The following HMX1 variants were observed in gnomAD, a reference collection of about 807,000 sequenced individuals.
The protein encoded by HMX1 is H6 family homeobox 1, also known as homeobox protein HMX1.
HMX1 carries 8 observed loss-of-function variants against 8.9 expected under a neutral mutation model. The ratio of observed to expected loss-of-function variants is 0.90; its 90% CI spans 0.53 to 1.63. HMX1 has a LOEUF of 1.63. HMX1 is among the 40% of genes most tolerant of loss of function. The pLI, the probability that HMX1 is intolerant of heterozygous loss-of-function variation, is 0.00. For synonymous variants in HMX1, 311 were observed against 283.4 expected (o/e 1.10, Z -0.98); for missense variants, 621 against 558.5 (o/e 1.11, Z -1.13).
chr4:8,857,210 G>A (rs1266675069), intron 1 of HMX1, among the ~76,000 whole-genome samples: 3 of 152,248 alleles, frequency 2.0e-5, no homozygotes, highest in Non-Finnish European at 4.4e-5. Context: ...ATGCAATGCA[G>A]CCGCCGAGGA....
At chr4:8,864,869 A>G (rs1251827699), downstream of HMX1, among the ~76,000 whole-genome samples, 2 of 152,202 alleles carry the variant, frequency 1.3e-5, no homozygotes, top group African/African-American at 2.4e-5. Context: ...GTCGAGGCCC[A>G]TAAGACGCTC....
chr4:8,855,185 G>C (rs1358144629), intron 1 of HMX1, among the ~76,000 whole-genome samples: 2 of 152,218 alleles, frequency 1.3e-5, no homozygotes, highest in Non-Finnish European at 2.9e-5. Flanking sequence ...CACAGACCAG[G>C]AAGACCCACG....
intron 1 of HMX1, among the ~76,000 whole-genome samples, chr4:8,850,065 C>T (rs556406678): frequency 6.6e-6 from 1 of 152,210 alleles, no homozygotes; most frequent in Non-Finnish European, 1.5e-5. Flanking sequence ...ACGTGGCAAG[C>T]CTGGCACCTG....
chr4:8,847,847 G>A lies in HMX1; in HGVS notation c.395-1523C>T, dbSNP rs548674906. Among the ~76,000 whole-genome samples, 9 of 152,276 alleles carry A rather than the reference G, an allele frequency of 5.9e-5. No individual in the cohort carries two copies. The South Asian group carries it at 1.7e-3, about 28-fold the overall frequency. On this transcript the variant is annotated intron_variant, in intron 1 of 1. Transcript: ENST00000506970. The surrounding 1 kb of genome is among the most constrained non-coding windows in gnomAD (Gnocchi z 6.0). ...GAATGGGAAGGACAAGAAGAACCTC[G>A]GGGTTGGCTGGAGTGGCTCTGGAGA...
downstream of HMX1, chr4:8,867,021 C>T: frequency 1.0e-6 from 1 of 957,110 alleles, no homozygotes; most frequent in Non-Finnish European, 1.2e-6. Context: ...CTGTCTCTGC[C>T]CTCGTGATCA....
At chr4:8,863,420 T>TTCCGTC (rs1157120501), downstream of HMX1, among the ~76,000 whole-genome samples, 1 of 152,212 alleles carries the variant, frequency 6.6e-6, no homozygotes, top group African/African-American at 2.4e-5. Context: ...GTCCAGAGCC[T>TTCCGTC]TCCGTCTCCG....
chr4:8,853,871 G>A lies in HMX1; in HGVS notation c.395-7547C>T, dbSNP rs1721529895. 6.6e-6 allele frequency among the ~76,000 whole-genome samples: 1 copy of A among 152,078 alleles called. No individual in the cohort carries two copies. Among genetic ancestry groups the A allele is most frequent in the African/African-American group, 2.4e-5 (1 of 41,400 alleles). ...TCCATCTCAAAAAAAAGGGGGGCGG[G>A]GGAAGAATGGATCCCCCTTTCCTCA... On this transcript the variant is annotated intron_variant, in intron 1 of 1. Transcript: ENST00000506970. The surrounding 1 kb of genome is among the most constrained non-coding windows in gnomAD (Gnocchi z 4.7).
Position 8,867,660 on chromosome 4 carries a change from A to G in HMX1, c.*33T>C. The G allele has an allele frequency of 1.6e-5, 20 of 1,229,962 alleles. No homozygotes were observed. Among genetic ancestry groups the G allele is most frequent in the Non-Finnish European group, 2.0e-5 (20 of 985,976 alleles). The allele number at this position is 1,229,962 out of a possible 1,614,324, so 76.2% of individuals were successfully genotyped here. On this transcript the variant is annotated 3_prime_UTR_variant, in exon 2 of 2. Coordinates refer to ENST00000400677, the MANE Select transcript of HMX1 (RefSeq NM_018942.3). ...GAATCGCGCGTCCACACAGGTCCACAGGGTCGTGGGGAGAGGGCCCGGCAG... is the reference window on the plus strand; with the variant it reads ...GAATCGCGCGTCCACACAGGTCCACGGGGTCGTGGGGAGAGGGCCCGGCAG...
At chr4:8,861,418 G>A (rs1721813948) in intron 1 of HMX1, among the ~76,000 whole-genome samples, 1 of 152,152 alleles carries the variant, frequency 6.6e-6, no homozygotes, top group South Asian at 2.1e-4. Context: ...CTGTCTCCCC[G>A]ACCCCGACTC....
downstream of HMX1, among the ~76,000 whole-genome samples, chr4:8,865,472 C>T (rs746458081): frequency 5.3e-5 from 8 of 152,092 alleles, no homozygotes; most frequent in Non-Finnish European, 1.2e-4. Context: ...CTTCTGCTTG[C>T]TGGGCCTGTG....
Position 8,870,722 on chromosome 4 carries a change from G to A in HMX1, c.394+499C>T, listed in dbSNP as rs1055837454. Among the ~76,000 whole-genome samples, 2 of 143,802 alleles carry A rather than the reference G, an allele frequency of 1.4e-5. No homozygotes were observed. Among genetic ancestry groups the A allele is most frequent in the Non-Finnish European group, 3.0e-5 (2 of 66,830 alleles). 94.3% of individuals were successfully genotyped at this position (143,802 alleles called of 152,430 possible). A position where few individuals can be genotyped will look rare whatever the true frequency, so the allele number is the denominator to read the frequency against. ...ATTTTTCCACGTCTGATGCTACTTT[G>A]TCTCCCTTTCCCTCCATCTCTTCCT... On this transcript the variant is annotated intron_variant, in intron 1 of 1. Transcript: ENST00000400677. This position sits in a 1 kb window ranked among gnomAD's most constrained non-coding sequence, Gnocchi z 4.4.
chr4:8,871,828 G>T lies in HMX1; in HGVS notation c.-214C>A. The T allele has an allele frequency of 1.9e-6, 1 of 515,292 alleles. No individual in the cohort carries two copies. The highest frequency in any genetic ancestry group is 2.5e-6 in the Non-Finnish European group (1 of 399,748). The allele number at this position is 515,292 out of a possible 1,614,324, so 31.9% of individuals were successfully genotyped here. On this transcript the variant is annotated 5_prime_UTR_variant, in exon 1 of 2. Coordinates refer to ENST00000400677, the MANE Select transcript of HMX1 (RefSeq NM_018942.3). This position sits in a 1 kb window ranked among gnomAD's most constrained non-coding sequence, Gnocchi z 4.8. ...CCGACAGCTGATCGGGCAGCCGCCT[G>T]GCTCGCCTTTCAGGTCGCCGTTCTG...
chr4:8,861,738 C>T (rs987823434), intron 1 of HMX1, among the ~76,000 whole-genome samples: 2 of 152,260 alleles, frequency 1.3e-5, no homozygotes, highest in African/African-American at 4.8e-5. Flanking sequence ...CTGCGCCTCT[C>T]TCTGGCGTCT....
chr4:8,863,741 C>T (rs1721905728), downstream of HMX1, among the ~76,000 whole-genome samples: 3 of 152,378 alleles, frequency 2.0e-5, no homozygotes, highest in Non-Finnish European at 2.9e-5. Context: ...GCTCTCTCGG[C>T]CAAGGGCCTG....
intron 1 of HMX1, among the ~76,000 whole-genome samples, chr4:8,861,635 T>C (rs1721826644): frequency 6.6e-6 from 1 of 152,124 alleles, no homozygotes; most frequent in African/African-American, 2.4e-5. Context: ...GAGGCTGCGC[T>C]TCAGGAGTGT....
Position 8,861,156 on chromosome 4 carries a change from C to T in HMX1, c.394+10065G>A, listed in dbSNP as rs555858452. 2.2e-3 allele frequency among the ~76,000 whole-genome samples: 337 copies of T among 152,280 alleles called. No individual in the cohort carries two copies. The Middle Eastern group carries it at 0.027, about 12-fold the overall frequency. On this transcript the variant is annotated intron_variant, in intron 1 of 1. Coordinates refer to the HMX1 transcript ENST00000506970. The stretch of plus-strand genomic sequence containing the variant: ...CCGTTCCATCTAGGTCGGGCAGCCC[C>T]GCGGGTCCGGGCGCCGCTGCCCTCC...
Position 8,871,572 on chromosome 4 carries a change from G to C in HMX1, c.43C>G (p.Arg15Gly). ...TTCTCGATGAGGAAGGAGGAGGCGC[G>C]GGCCGGCGTGGCGCGCCCGGGCTCC... The part of the protein sequence containing the change: ...LTEPGRATPA[R>G]ASSFLIENLL... The change falls in exon 1 of 2, where the codon CGC becomes GGC. Residue 15 changes from arginine to glycine, a missense_variant. By Grantham distance (125) the Arg-to-Gly change is moderately radical. Transcript: ENST00000400677. This position sits in a 1 kb window ranked among gnomAD's most constrained non-coding sequence, Gnocchi z 4.8. 7.4e-7 allele frequency: 1 copy of C among 1,351,388 alleles called. No homozygotes were observed. The highest frequency in any genetic ancestry group is 9.5e-7 in the Non-Finnish European group (1 of 1,048,652). 83.7% of individuals were successfully genotyped at this position (1,351,388 alleles called of 1,614,324 possible). A position where few individuals can be genotyped will look rare whatever the true frequency, so the allele number is the denominator to read the frequency against.
Position 8,870,252 on chromosome 4 carries a change from G to A in HMX1, c.394+969C>T, listed in dbSNP as rs936624152. 6.6e-6 allele frequency among the ~76,000 whole-genome samples: 1 copy of A among 152,124 alleles called. No homozygotes were observed. Among genetic ancestry groups the A allele is most frequent in the African/African-American group, 2.4e-5 (1 of 41,440 alleles). On this transcript the variant is annotated intron_variant, in intron 1 of 1. Transcript: ENST00000400677. The surrounding 1 kb of genome is among the most constrained non-coding windows in gnomAD (Gnocchi z 4.4). ...TGGGGGGCTGGCTAAGCCAGGGCTT[G>A]GGGGGTTGGACTGGCTTTCCTGGCC...
intron 1 of HMX1, among the ~76,000 whole-genome samples, chr4:8,855,127 C>T (rs966109874): frequency 5.9e-5 from 9 of 152,240 alleles, no homozygotes; most frequent in Admixed American, 2.0e-4. Context: ...CCCTCTCCCC[C>T]GTGGACTCCA....
Sources: allele counts gnomAD v4.1 joint callset (sites outside exome capture counted in the v4.1 genomes callset), GRCh38; gene constraint gnomAD v4.1.1; non-coding constraint Gnocchi (gnomAD v3.1); transcripts MANE v1.5; gene names NCBI Gene and HGNC (gene_info 2026-07-23, HGNC 2026-07-21).